TSBP1: variants seen among roughly 807,000 people sequenced by gnomAD.
The protein encoded by TSBP1 is testis expressed basic protein 1.
In TSBP1, 56 loss-of-function variants were observed where a neutral mutation model predicts 68.8. That is an observed-to-expected ratio of 0.81 (90% CI 0.66 to 1.02). TSBP1 has a LOEUF of 1.02. TSBP1 is among the 50% of genes least tolerant of loss of function. The probability of loss-of-function intolerance (pLI) is 0.00; values close to 1 mark genes in which losing one functional copy is unlikely to be tolerated. For synonymous variants in TSBP1, 171 were observed against 208.7 expected (o/e 0.82, Z 1.56); for missense variants, 502 against 641.2 (o/e 0.78, Z 2.34).
chr6:32,300,970 C>T (rs1765224873), intron 20 of TSBP1, among the ~76,000 whole-genome samples: 1 of 152,092 alleles, frequency 6.6e-6, no homozygotes, highest in Non-Finnish European at 1.5e-5. Context: ...AAATATAGGA[C>T]ATATAATGGT....
chr6:32,330,611 TA>T lies in TSBP1; in HGVS notation c.494-3del. Reference sequence around the variant, plus strand: ...TACCATTGGATCCAGGATATTGTACTAAAAAATAGAAACAAACAAATTAAAC... The same window carrying T: ...TACCATTGGATCCAGGATATTGTACTAAAAATAGAAACAAACAAATTAAAC... On this transcript the variant is annotated splice_region_variant and splice_polypyrimidine_tract_variant and intron_variant, in intron 15 of 22. Coordinates refer to ENST00000612031, the Ensembl canonical transcript of TSBP1. 1 of 1,594,642 alleles carries T rather than the reference TA, an allele frequency of 6.3e-7. No homozygotes were observed. Among genetic ancestry groups the T allele is most frequent in the Non-Finnish European group, 8.5e-7 (1 of 1,170,702 alleles).
chr6:32,296,601 AGGGGTAT>A (rs1162379860), intron 22 of TSBP1, among the ~76,000 whole-genome samples: 1 of 152,166 alleles, frequency 6.6e-6, no homozygotes, highest in Non-Finnish European at 1.5e-5. Flanking sequence ...TGTTTTGTTT[AGGGGTAT>A]GGTGGTGTGG....
intron 18 of TSBP1, chr6:32,320,337 C>T (rs1459724452): frequency 1.8e-5 from 7 of 399,740 alleles, no homozygotes; most frequent in Non-Finnish European, 3.0e-5. Flanking sequence ...GTGGGTGGCT[C>T]TGTTTTCATG....
Position 32,333,017 on chromosome 6 carries a change from G to GTT in TSBP1, c.473-965_473-964dup, listed in dbSNP as rs1188503299. On this transcript the variant is annotated intron_variant, in intron 14 of 22. Coordinates refer to ENST00000612031, the Ensembl canonical transcript of TSBP1. The surrounding 1 kb of genome is among the most constrained non-coding windows in gnomAD (Gnocchi z 4.2). ...AGCCTGTTATGTTTTTTTTGTTGTT[G>GTT]TTTTTTTTTTAGACAGAGTCTTACT... Among the ~76,000 whole-genome samples the GTT allele has an allele frequency of 7.0e-6, 1 of 143,676 alleles. No homozygotes were observed. Among genetic ancestry groups the GTT allele is most frequent in the African/African-American group, 2.6e-5 (1 of 38,882 alleles). The allele number at this position is 143,676 out of a possible 152,430, so 94.3% of individuals were successfully genotyped here.
chr6:32,305,274 G>A (rs1430181357), intron 19 of TSBP1, among the ~76,000 whole-genome samples: 1 of 152,134 alleles, frequency 6.6e-6, no homozygotes, highest in African/African-American at 2.4e-5. Flanking sequence ...TCCATATTTA[G>A]CAGGAGACAA....
At chr6:32,349,701 TA>T in intron 9 of TSBP1, 38 bp downstream of exon 9, 1 of 1,260,368 alleles carries the variant, frequency 7.9e-7, no homozygotes, top group Non-Finnish European at 1.2e-6. Flanking sequence ...TAAATGGGGC[TA>T]AATGTCAGCA....
intron 20 of TSBP1, among the ~76,000 whole-genome samples, chr6:32,301,025 C>T (rs1395529618): frequency 1.4e-5 from 2 of 143,778 alleles, no homozygotes; most frequent in Non-Finnish European, 3.1e-5. Context: ...GACATTGATA[C>T]GAATTTTTTT....
chr6:32,351,234 G>A lies in TSBP1; in HGVS notation c.260-1405C>T, dbSNP rs149769381. Among the ~76,000 whole-genome samples, 138 of 152,196 alleles carry A rather than the reference G, an allele frequency of 9.1e-4. 1 individual carries two copies. The highest frequency in any genetic ancestry group is 6.8e-3 in the Middle Eastern group (2 of 294). ...TAGAAGTGATATGAAAGTCATCCAG[G>A]CTTGTTTGTAAAGTCATCCACTCAT... On this transcript the variant is annotated intron_variant, in intron 8 of 22. Coordinates refer to ENST00000612031, the Ensembl canonical transcript of TSBP1.
chr6:32,366,201 G>A lies in TSBP1; in HGVS notation c.197-14C>T. 6.3e-7 allele frequency: 1 copy of A among 1,593,530 alleles called. No homozygotes were observed. The highest frequency in any genetic ancestry group is 8.5e-7 in the Non-Finnish European group (1 of 1,173,144). On this transcript the variant is annotated splice_polypyrimidine_tract_variant and intron_variant, in intron 5 of 22. Coordinates refer to ENST00000612031, the Ensembl canonical transcript of TSBP1. Reference sequence around the variant, plus strand: ...CATATGAAGTGTCTAGAGAATTGAAGAAAAATTATAAGATTCTTAATTTCT... The same window carrying A: ...CATATGAAGTGTCTAGAGAATTGAAAAAAAATTATAAGATTCTTAATTTCT...
rs576473849 is a variant in TSBP1, at chr6:32,338,808, T to C, written c.409+171A>G. Among the ~76,000 whole-genome samples the C allele has an allele frequency of 1.3e-5, 2 of 152,304 alleles. No homozygotes were observed. Among genetic ancestry groups the C allele is most frequent in the South Asian group, 4.2e-4 (2 of 4,818 alleles). On this transcript the variant is annotated intron_variant, in intron 11 of 22. Coordinates refer to ENST00000612031, the Ensembl canonical transcript of TSBP1. This position sits in a 1 kb window ranked among gnomAD's most constrained non-coding sequence, Gnocchi z 5.5. ...GGAAAAGTTAAAGGCAATAGTACTT[T>C]CTTACAGAGGCACCCCAGTTTATTA...
In TSBP1 at chr6:32,340,953, G is replaced by A. The variant is rs552668537; in HGVS notation, c.350-1315C>T. Among the ~76,000 whole-genome samples the A allele has an allele frequency of 3.8e-3, 572 of 152,136 alleles. 5 individuals are homozygous for A. Among genetic ancestry groups the A allele is most frequent in the African/African-American group, 0.013 (536 of 41,520 alleles). On this transcript the variant is annotated intron_variant, in intron 9 of 22. Coordinates refer to ENST00000612031, the Ensembl canonical transcript of TSBP1. This position sits in a 1 kb window ranked among gnomAD's most constrained non-coding sequence, Gnocchi z 4.8. Reference sequence around the variant, plus strand: ...TGGGATTACAGGCATGTGCCACCACGCCCAGCTAATTTTTGTATTTTTAGT... The same window carrying A: ...TGGGATTACAGGCATGTGCCACCACACCCAGCTAATTTTTGTATTTTTAGT...
At position 32,331,929 on chromosome 6, in the gene TSBP1, T is replaced by C. The variant is rs188520721; in HGVS notation, c.493+105A>G. 184 of 847,500 alleles carry C rather than the reference T, an allele frequency of 2.2e-4. 2 individuals are homozygous for C. The East Asian group carries it at 3.9e-3, about 18-fold the overall frequency. 52.5% of individuals were successfully genotyped at this position (847,500 alleles called of 1,614,324 possible). A position where few individuals can be genotyped will look rare whatever the true frequency, so the allele number is the denominator to read the frequency against. ...TGGGGAAATGAAAGTCTAAGAAATATGATTTTCAGCTTCTTTAACCCAGAT... is the reference window on the plus strand; with the variant it reads ...TGGGGAAATGAAAGTCTAAGAAATACGATTTTCAGCTTCTTTAACCCAGAT... On this transcript the variant is annotated intron_variant, in intron 15 of 22. Coordinates refer to ENST00000612031, the Ensembl canonical transcript of TSBP1.
At position 32,316,874 on chromosome 6, in the gene TSBP1, G is replaced by A. The variant is rs116833739; in HGVS notation, c.560-1082C>T. 0.039 allele frequency among the ~76,000 whole-genome samples: 5,989 copies of A among 151,954 alleles called. 339 individuals are homozygous for A. Among genetic ancestry groups the A allele is most frequent in the African/African-American group, 0.12 (5,138 of 41,392 alleles). On this transcript the variant is annotated intron_variant, in intron 18 of 22. Coordinates refer to ENST00000612031, the Ensembl canonical transcript of TSBP1. This position sits in a 1 kb window ranked among gnomAD's most constrained non-coding sequence, Gnocchi z 4.5. Reference sequence around the variant, plus strand: ...AGCACTTTGGGAGGTCGAGGCAGGCGGATCACGAGGTCAGGAGATCAAGAC... The same window carrying A: ...AGCACTTTGGGAGGTCGAGGCAGGCAGATCACGAGGTCAGGAGATCAAGAC...
intron 8 of TSBP1, among the ~76,000 whole-genome samples, chr6:32,354,340 C>A (rs1365926035): frequency 2.0e-5 from 3 of 151,912 alleles, no homozygotes; most frequent in Non-Finnish European, 4.4e-5. Context: ...TACTCAATTT[C>A]AGGAGTGAGC....
In TSBP1 at chr6:32,323,621, AAC is replaced by A; in HGVS notation, c.515-9_515-8del. The A allele has an allele frequency of 6.2e-7, 1 of 1,612,286 alleles. No homozygotes were observed. The highest frequency in any genetic ancestry group is 1.7e-5 in the Admixed American group (1 of 59,990). The stretch of plus-strand genomic sequence containing the variant: ...GGTGCTGAAGGTGGACCAGCTGAAA[AAC>A]AGAGAGGTATCTTAGCAACTGTTTT... On this transcript the variant is annotated splice_polypyrimidine_tract_variant and splice_region_variant and intron_variant, in intron 16 of 22. Transcript: ENST00000612031.
chr6:32,332,214 AT>A (rs1769115315), intron 14 of TSBP1, among the ~76,000 whole-genome samples, 160 bp from the exon 16 acceptor site: 1 of 152,186 alleles, frequency 6.6e-6, no homozygotes, highest in Non-Finnish European at 1.5e-5. Context: ...TATATTAACT[AT>A]AGAAAAAAGG....
intron 22 of TSBP1, among the ~76,000 whole-genome samples, chr6:32,295,411 G>A (rs1164432700): frequency 6.6e-6 from 1 of 150,624 alleles, no homozygotes; most frequent in Non-Finnish European, 1.5e-5. Context: ...GGGTTTAATG[G>A]GTTTATTAAG....
At chr6:32,371,762 G>C (rs993993952) in exon 1 of TSBP1, 8 of 1,611,670 alleles carry the variant, frequency 5.0e-6, no homozygotes, top group Non-Finnish European at 6.8e-6. Flanking sequence ...TTGTCAGAGA[G>C]AGATCAAGGT....
rs577073135 is a variant in TSBP1 at position 32,354,840 on chromosome 6, A to G, written c.259+284T>C. On this transcript the variant is annotated intron_variant, in intron 8 of 22. Coordinates refer to ENST00000612031, the Ensembl canonical transcript of TSBP1. ...ATTAAACATTAAAAAAAGATACTAT[A>G]TTTTGTTCAGTGATAGGTAGAGACT... 3.3e-5 allele frequency among the ~76,000 whole-genome samples: 5 copies of G among 152,202 alleles called. No individual in the cohort carries two copies. In the South Asian group the frequency reaches 8.3e-4, roughly 25 times the overall value.
Sources: gnomAD v4.1 joint callset for allele counts (sites outside exome capture counted in the v4.1 genomes callset) on GRCh38, gnomAD v4.1.1 for gene constraint, Gnocchi (gnomAD v3.1) non-coding constraint, MANE v1.5 for transcripts, NCBI Gene and HGNC (gene_info 2026-07-23, HGNC 2026-07-21) for gene names.